The following ODF2 variants were observed in gnomAD, a reference collection of about 807,000 sequenced individuals.
ODF2 encodes the protein outer dense fiber protein 2.
In ODF2, 47 loss-of-function variants were observed where a neutral mutation model predicts 110.2. That is an observed-to-expected ratio of 0.43 (90% confidence interval 0.34 to 0.54). ODF2 has a LOEUF of 0.54. Ranked by LOEUF, ODF2 falls within the 20% of genes least tolerant of loss-of-function variation. The pLI, the probability that ODF2 is intolerant of heterozygous loss-of-function variation, is 0.03. For missense variants in ODF2, 812 were observed against 1,054.5 expected (o/e 0.77, Z 3.19); for synonymous variants, 352 against 397.7 (o/e 0.89, Z 1.37).
intron 4 of ODF2, among the ~76,000 whole-genome samples, chr9:128,467,924 T>C (rs1838711734): frequency 2.0e-5 from 3 of 152,270 alleles, no homozygotes; most frequent in Admixed American, 6.5e-5. Flanking sequence ...CTCGATCTCC[T>C]GACCTCGTGA....
chr9:128,461,227 G>T, intron 4 of ODF2, 160 bp downstream of exon 4: 1 of 883,508 alleles, frequency 1.1e-6, no homozygotes, highest in Non-Finnish European at 1.7e-6. Flanking sequence ...GAATCTTCTT[G>T]AGTTCTTATG....
At chr9:128,492,072 A>G (rs1008395336) in intron 14 of ODF2, among the ~76,000 whole-genome samples, 3 of 151,962 alleles carry the variant, frequency 2.0e-5, no homozygotes, top group African/African-American at 4.8e-5. Context: ...TCACTGTGTT[A>G]GCCAGGATGG....
At chr9:128,484,100 C>T (rs1485369771) in intron 11 of ODF2, 46 bp downstream of exon 11, 10 of 1,379,090 alleles carry the variant, frequency 7.3e-6, no homozygotes, top group Non-Finnish European at 1.0e-5. Flanking sequence ...CAAGGGCCTG[C>T]CAATTTGATG....
intron 17 of ODF2, among the ~76,000 whole-genome samples, chr9:128,495,200 GCAAGGCCC>G (rs1259862188): frequency 2.0e-5 from 3 of 152,228 alleles, no homozygotes; most frequent in African/African-American, 7.2e-5. Flanking sequence ...GTGACCTTGG[GCAAGGCCC>G]CTTTCCCACT....
intron 4 of ODF2, among the ~76,000 whole-genome samples, chr9:128,463,309 C>T (rs1413401116): frequency 6.6e-6 from 1 of 152,016 alleles, no homozygotes; most frequent in African/African-American, 2.4e-5. Context: ...AATGGAATAC[C>T]ATGCAGCCTT....
At chr9:128,493,566 G>A (rs982786960) in intron 16 of ODF2, among the ~76,000 whole-genome samples, 3 of 152,150 alleles carry the variant, frequency 2.0e-5, no homozygotes, top group Non-Finnish European at 4.4e-5. Context: ...TCTACAGATG[G>A]TTTGGCTGAT....
intron 14 of ODF2, among the ~76,000 whole-genome samples, chr9:128,489,131 A>G (rs1844021676): frequency 6.6e-6 from 1 of 152,198 alleles, no homozygotes; most frequent in African/African-American, 2.4e-5. Context: ...CTCGAGCCCT[A>G]GCTCTTAAAC....
intron 4 of ODF2, among the ~76,000 whole-genome samples, chr9:128,467,989 C>A (rs1217670492): frequency 6.6e-6 from 1 of 152,006 alleles, no homozygotes; most frequent in Non-Finnish European, 1.5e-5. Flanking sequence ...GCCACCGCTC[C>A]TGGCCCTAAA....
chr9:128,469,280 G>A (rs1330792237), exon 5 of ODF2: 1 of 1,614,132 alleles, frequency 6.2e-7, no homozygotes, highest in Admixed American at 1.7e-5. Flanking sequence ...GATGACTCAG[G>A]TCACTGTAAA....
exon 18 of ODF2, chr9:128,496,072 C>G: frequency 6.2e-7 from 1 of 1,613,606 alleles, no homozygotes; most frequent in East Asian, 2.2e-5. Context: ...CTGGAGATGG[C>G]GAGAGAGAAA....
At chr9:128,469,441 C>CA in intron 5 of ODF2, 88 bp downstream of exon 5, 7 of 1,400,304 alleles carry the variant, frequency 5.0e-6, no homozygotes, top group Non-Finnish European at 7.0e-6. Context: ...CCTCAGCCTG[C>CA]GTCTGCAGGC....
intron 11 of ODF2, among the ~76,000 whole-genome samples, chr9:128,484,291 C>T (rs1842965209): frequency 6.6e-6 from 1 of 152,222 alleles, no homozygotes; most frequent in Admixed American, 6.5e-5. Context: ...CCATGCCCCC[C>T]AGGCCTATCA....
intron 14 of ODF2, among the ~76,000 whole-genome samples, chr9:128,491,256 G>A (rs1844479805): frequency 6.6e-6 from 1 of 151,992 alleles, no homozygotes; most frequent in African/African-American, 2.4e-5. Flanking sequence ...TATTGGCCAG[G>A]CTGGTCTCGA....
intron 8 of ODF2, among the ~76,000 whole-genome samples, chr9:128,479,269 A>G (rs1841964783): frequency 1.3e-5 from 2 of 152,104 alleles, no homozygotes; most frequent in Admixed American, 1.3e-4. Flanking sequence ...TCCCTCCCTC[A>G]AGGGATACTT....
intron 4 of ODF2, among the ~76,000 whole-genome samples, chr9:128,468,743 A>G (rs1209251711): frequency 6.6e-6 from 1 of 152,100 alleles, no homozygotes; most frequent in Non-Finnish European, 1.5e-5. Flanking sequence ...GCTGGTCTCA[A>G]ACTCCTGACC....
At chr9:128,456,835 G>T (rs933326636) in intron 1 of ODF2, 5 of 1,300,120 alleles carry the variant, frequency 3.8e-6, no homozygotes, top group African/African-American at 3.1e-5. Flanking sequence ...CCCTCGCGGC[G>T]GGGCGCCCGG....
At chr9:128,472,236 C>G (rs1840207805) in intron 6 of ODF2, among the ~76,000 whole-genome samples, 1 of 152,166 alleles carries the variant, frequency 6.6e-6, no homozygotes. Flanking sequence ...GAGATGGAGT[C>G]TCGCTCTGTC....
intron 1 of ODF2, chr9:128,456,654 C>T: frequency 6.8e-7 from 1 of 1,476,072 alleles, no homozygotes; most frequent in South Asian, 1.3e-5. Context: ...GCCCCGACCG[C>T]CTCGTCCTCT....
chr9:128,479,664 C>T (rs910311124), intron 8 of ODF2, among the ~76,000 whole-genome samples: 1 of 152,132 alleles, frequency 6.6e-6, no homozygotes, highest in African/African-American at 2.4e-5. Context: ...TGCCCAGCAA[C>T]GTCTATTGCT....
Sources: gnomAD v4.1 joint callset for allele counts (sites outside exome capture counted in the v4.1 genomes callset) on GRCh38, gnomAD v4.1.1 for gene constraint, MANE v1.5 for transcripts, NCBI Gene and HGNC (gene_info 2026-07-23, HGNC 2026-07-21) for gene names.